SECISBP2L: variants seen among roughly 807,000 people sequenced by gnomAD.
SECISBP2L encodes selenocysteine insertion sequence-binding protein 2-like.
SECISBP2L carries 43 observed loss-of-function variants against 114.7 expected under a neutral mutation model. The observed-to-expected ratio is 0.38, with a 90% confidence interval of 0.29 to 0.48. SECISBP2L has a LOEUF of 0.48. Ranked by LOEUF, SECISBP2L falls within the 20% of genes least tolerant of loss-of-function variation. The pLI, the probability that SECISBP2L is intolerant of heterozygous loss-of-function variation, is 0.98. For synonymous variants in SECISBP2L, 451 were observed against 439.7 expected (o/e 1.03, Z -0.32); for missense variants, 1,136 against 1,301.1 (o/e 0.87, Z 1.95).
intron 17 of SECISBP2L, among the ~76,000 whole-genome samples, chr15:48,993,437 A>G (rs909772070): frequency 5.9e-5 from 9 of 152,162 alleles, no homozygotes; most frequent in African/African-American, 2.2e-4. Context: ...TAAAATCCAT[A>G]TATTCATGAA....
At chr15:49,008,804 T>C (rs1902375564) in intron 14 of SECISBP2L, among the ~76,000 whole-genome samples, 1 of 152,230 alleles carries the variant, frequency 6.6e-6, no homozygotes, top group South Asian at 2.1e-4. Flanking sequence ...CAAATAGCTT[T>C]ATGTAATAGG....
At chr15:49,031,390 C>T (rs1456849965) in intron 4 of SECISBP2L, among the ~76,000 whole-genome samples, 1 of 152,110 alleles carries the variant, frequency 6.6e-6, no homozygotes, top group Admixed American at 6.6e-5. Flanking sequence ...TATGTCTTCT[C>T]TAAGATTTCT....
intron 14 of SECISBP2L, among the ~76,000 whole-genome samples, chr15:49,004,907 G>A (rs2141064818): frequency 6.6e-6 from 1 of 152,310 alleles, no homozygotes; most frequent in African/African-American, 2.4e-5. Flanking sequence ...TGTATATTCT[G>A]TGATTTGGGG....
At chr15:49,032,878 T>C (rs186965354) in intron 4 of SECISBP2L, 87 bp downstream of exon 4, 32 of 1,493,930 alleles carry the variant, frequency 2.1e-5, no homozygotes, top group Non-Finnish European at 2.5e-5. Flanking sequence ...TCTACAATTC[T>C]GACAAGTGGT....
At chr15:49,005,654 G>A (rs779109487) in intron 14 of SECISBP2L, among the ~76,000 whole-genome samples, 6 of 142,060 alleles carry the variant, frequency 4.2e-5, no homozygotes, top group East Asian at 2.2e-4. Flanking sequence ...GTCTTTGCAC[G>A]TGAGATGGGT....
intron 11 of SECISBP2L, among the ~76,000 whole-genome samples, chr15:49,015,710 T>C (rs1431682814): frequency 6.6e-6 from 1 of 152,224 alleles, no homozygotes; most frequent in East Asian, 1.9e-4. Flanking sequence ...GAAAGCCAGA[T>C]CATTTTCTCA....
chr15:49,027,577 T>C (rs1051466751), intron 6 of SECISBP2L, 97 bp from the exon 7 acceptor site: 78 of 643,896 alleles, frequency 1.2e-4, no homozygotes, highest in Non-Finnish European at 5.1e-5. Flanking sequence ...TCACTAGAAA[T>C]GTAATAGTGA....
At chr15:49,013,454 G>A (rs1015182190) in intron 11 of SECISBP2L, among the ~76,000 whole-genome samples, 6 of 152,004 alleles carry the variant, frequency 3.9e-5, no homozygotes, top group African/African-American at 1.2e-4. Context: ...GTGCCACCAC[G>A]CCCAGCTAAT....
intron 8 of SECISBP2L, 115 bp downstream of exon 8, chr15:49,019,303 C>T: frequency 1.2e-6 from 1 of 805,266 alleles, no homozygotes; most frequent in Non-Finnish European, 1.7e-6. Context: ...TAATTTAATA[C>T]TAGAATCACA....
Position 49,017,193 on chromosome 15 carries a change from G to A in SECISBP2L, c.1252-178C>T, listed in dbSNP as rs1902554297. On this transcript the variant is annotated intron_variant, in intron 9 of 17. Coordinates refer to ENST00000559471, the MANE Select transcript of SECISBP2L (RefSeq NM_001193489.2). ...CATTTCAGACTGGGAAATAATAAAG[G>A]GACAAAACAGCTTAATGCAGTGGGT... 6.3e-6 allele frequency: 4 copies of A among 632,938 alleles called. No individual in the cohort carries two copies. The East Asian group carries it at 8.7e-5, about 14-fold the overall frequency. 39.2% of individuals were successfully genotyped at this position (632,938 alleles called of 1,614,324 possible). A position where few individuals can be genotyped will look rare whatever the true frequency, so the allele number is the denominator to read the frequency against.
chr15:49,039,549 G>A (rs868494732), intron 1 of SECISBP2L, among the ~76,000 whole-genome samples: 2 of 148,092 alleles, frequency 1.4e-5, no homozygotes, highest in South Asian at 2.1e-4. Flanking sequence ...TTTTTAGACA[G>A]GGTCTCGCTC....
chr15:49,046,030 C>T (rs1471696635), intron 1 of SECISBP2L, among the ~76,000 whole-genome samples: 4 of 152,196 alleles, frequency 2.6e-5, no homozygotes, highest in African/African-American at 9.6e-5. Flanking sequence ...ACCCCTTCAC[C>T]AAGCAGGGGA....
rs576110609 is a variant in SECISBP2L at position 49,014,294 on chromosome 15, T to C, written c.1562-1477A>G. 7.2e-4 allele frequency among the ~76,000 whole-genome samples: 109 copies of C among 152,332 alleles called. 3 individuals carry two copies. In the South Asian group the frequency reaches 0.022, roughly 30 times the overall value. ...TTTCTCAAATCTATGTTTCTTGTTC[T>C]TCTTCCTCTTATCCTTTAAATGTGA... On this transcript the variant is annotated intron_variant, in intron 11 of 17. Coordinates refer to ENST00000559471, the MANE Select transcript of SECISBP2L (RefSeq NM_001193489.2).
intron 16 of SECISBP2L, among the ~76,000 whole-genome samples, chr15:48,998,458 T>C (rs1902140391): frequency 2.0e-5 from 3 of 152,190 alleles, no homozygotes; most frequent in Admixed American, 1.3e-4. Context: ...ATATTTTCAG[T>C]GTTTAACAAA....
intron 16 of SECISBP2L, 65 bp from the exon 17 acceptor site, chr15:48,996,651 A>G: frequency 7.3e-7 from 1 of 1,375,662 alleles, no homozygotes; most frequent in Non-Finnish European, 1.0e-6. Context: ...TATTATGGAT[A>G]ATAAATATCT....
chr15:48,994,468 G>A (rs902225890), intron 17 of SECISBP2L, among the ~76,000 whole-genome samples: 2 of 152,006 alleles, frequency 1.3e-5, no homozygotes, highest in African/African-American at 4.8e-5. Context: ...TTCATGATCT[G>A]GCCCTTATCT....
chr15:49,031,521 T>C (rs1284925512), intron 4 of SECISBP2L, among the ~76,000 whole-genome samples: 1 of 152,168 alleles, frequency 6.6e-6, no homozygotes, highest in Non-Finnish European at 1.5e-5. Flanking sequence ...TATTATAAAC[T>C]CTTATTAAAT....
rs896369267 is a variant in SECISBP2L at position 48,990,875 on chromosome 15, T to A, written c.*1369A>T. The A allele has an allele frequency of 2.3e-5, 1 of 44,294 alleles. No homozygotes were observed. Among genetic ancestry groups the A allele is most frequent in the East Asian group, 6.2e-4 (1 of 1,616 alleles). 2.7% of individuals were successfully genotyped at this position (44,294 alleles called of 1,614,324 possible). On this transcript the variant is annotated 3_prime_UTR_variant, in exon 18 of 18. Coordinates refer to ENST00000559471, the MANE Select transcript of SECISBP2L (RefSeq NM_001193489.2). ...GGGGGGTGGGGGGGACAGTTGGGGG[T>A]GGTGGGGAGTTGGATGGAAGACAAA...
At chr15:49,025,814 A>G (rs1286389379) in intron 7 of SECISBP2L, among the ~76,000 whole-genome samples, 3 of 152,206 alleles carry the variant, frequency 2.0e-5, no homozygotes, top group Admixed American at 1.3e-4. Flanking sequence ...ACCACTACAG[A>G]AAATAGTATA....
Sources: gnomAD v4.1 joint callset for allele counts (sites outside exome capture counted in the v4.1 genomes callset) on GRCh38, gnomAD v4.1.1 for gene constraint, MANE v1.5 for transcripts, NCBI Gene and HGNC (gene_info 2026-07-23, HGNC 2026-07-21) for gene names.